Variants in CEP135 observed in about 807,000 individuals in gnomAD.
CEP135 encodes centrosomal protein 135, also known as centrosomal protein of 135 kDa.
In CEP135, 142 loss-of-function variants were observed where a neutral mutation model predicts 157.3. That is an observed-to-expected ratio of 0.90 (90% confidence interval 0.79 to 1.04). CEP135 has a LOEUF of 1.04. Ranked by LOEUF, CEP135 falls within the 50% of genes least tolerant of loss-of-function variation. CEP135 has a pLI of 0.00. For missense variants in CEP135, 1,317 were observed against 1,309.2 expected, an observed-to-expected ratio of 1.01 and a Z score of -0.09; for synonymous variants, 396 against 439.8, an observed-to-expected ratio of 0.90 and a Z score of 1.25.
intron 23 of CEP135, among the ~76,000 whole-genome samples, chr4:56,020,454 G>A (rs1730935694): frequency 6.6e-6 from 1 of 152,152 alleles, no homozygotes; most frequent in Non-Finnish European, 1.5e-5. Flanking sequence ...GTTCAAATTT[G>A]TATCCCTAGC....
chr4:55,952,740 G>C (rs891709644), intron 2 of CEP135, among the ~76,000 whole-genome samples: 3 of 152,158 alleles, frequency 2.0e-5, no homozygotes, highest in African/African-American at 7.2e-5. Context: ...GTATCCTATG[G>C]CTCCTAGGCT....
intron 1 of CEP135, among the ~76,000 whole-genome samples, chr4:55,950,246 T>C (rs1728321444): frequency 6.6e-6 from 1 of 152,192 alleles, no homozygotes; most frequent in African/African-American, 2.4e-5. Context: ...CCCCGTGGTT[T>C]TGGAAGAGTT....
intron 5 of CEP135, among the ~76,000 whole-genome samples, chr4:55,959,378 C>G (rs1366825371): frequency 3.3e-5 from 5 of 152,080 alleles, no homozygotes; most frequent in African/African-American, 1.2e-4. Context: ...TTTTCTAAAC[C>G]TAAGAATTGG....
At chr4:56,030,697 C>T (rs1273192513) in intron 25 of CEP135, among the ~76,000 whole-genome samples, 1 of 152,168 alleles carries the variant, frequency 6.6e-6, no homozygotes, top group African/African-American at 2.4e-5. Flanking sequence ...TCAAGCGATC[C>T]TCCTGCCTCA....
intron 8 of CEP135, 30 bp from the exon 9 acceptor site, chr4:55,969,033 G>A: frequency 6.5e-7 from 1 of 1,540,446 alleles, no homozygotes. Flanking sequence ...AGACTTTTAA[G>A]TATATACCTA....
intron 11 of CEP135, 57 bp from the exon 12 acceptor site, chr4:55,980,086 T>C: frequency 1.1e-5 from 15 of 1,366,442 alleles, no homozygotes; most frequent in Non-Finnish European, 1.5e-5. Flanking sequence ...TCATCATCAG[T>C]ATCCTTGTGA....
At chr4:56,028,102 C>T (rs543823640) in intron 25 of CEP135, among the ~76,000 whole-genome samples, 49 of 152,308 alleles carry the variant, frequency 3.2e-4, no homozygotes, top group African/African-American at 1.2e-3. Context: ...GGATATACCA[C>T]ATTTAAAAAA....
rs976129149 is a variant in CEP135 at position 55,999,372 on chromosome 4, C to T, written c.2080C>T (p.Leu694Phe). 8.1e-5 allele frequency: 131 copies of T among 1,614,004 alleles called. 1 individual carries two copies. Among genetic ancestry groups the T allele is most frequent in the Non-Finnish European group, 1.1e-4 (124 of 1,180,014 alleles). Residue 694 changes from leucine to phenylalanine, a missense_variant, in exon 16 of 26, where the codon CTT (leucine) becomes TTT (phenylalanine). Transcript: ENST00000257287. The stretch of plus-strand genomic sequence containing the variant: ...CCGACTTTCCATAAAAAGAGGTGAA[C>T]TTGAATCAGCCCAAGCACAAATTAA... ...QHRLSIKRGE[L>F]ESAQAQIKIL...
chr4:55,957,124 T>C, intron 4 of CEP135, 99 bp from the exon 5 acceptor site: 1 of 1,255,614 alleles, frequency 8.0e-7, no homozygotes, highest in Non-Finnish European at 1.1e-6. Flanking sequence ...TATTATGAAC[T>C]GCAGACACAC....
chr4:55,953,260 G>T lies in CEP135; in HGVS notation c.289G>T (p.Asp97Tyr). 1.3e-6 allele frequency: 2 copies of T among 1,542,152 alleles called. No homozygotes were observed. The highest frequency in any genetic ancestry group is 2.5e-5 in the South Asian group (2 of 80,214). The change falls in exon 3 of 26, where the codon GAC becomes TAC. Residue 97 changes from aspartate to tyrosine, a missense_variant. Coordinates refer to ENST00000257287, the MANE Select transcript of CEP135 (RefSeq NM_025009.5). Reference sequence around the variant, plus strand: ...GTTAATGAAACTGAGAGAACATTCAGACCAACACGTTAAAGGTAAGTGAAA... The same window carrying T: ...GTTAATGAAACTGAGAGAACATTCATACCAACACGTTAAAGGTAAGTGAAA... Reference protein sequence around the residue: ...LELMKLREHSDQHVKELKTSL... With the variant: ...LELMKLREHSYQHVKELKTSL...
At chr4:55,971,849 G>A (rs1274935111) in intron 10 of CEP135, among the ~76,000 whole-genome samples, 1 of 152,100 alleles carries the variant, frequency 6.6e-6, no homozygotes, top group African/African-American at 2.4e-5. Flanking sequence ...TTGGCATCAG[G>A]AACATATAAG....
intron 21 of CEP135, among the ~76,000 whole-genome samples, chr4:56,016,089 A>G (rs1730765291): frequency 6.6e-6 from 1 of 152,190 alleles, no homozygotes; most frequent in African/African-American, 2.4e-5. Context: ...ATTTAGATAC[A>G]GTACGTACAG....
chr4:55,966,150 G>C (rs1728837574), intron 8 of CEP135: 3 of 282,686 alleles, frequency 1.1e-5, no homozygotes, highest in East Asian at 1.5e-4. Flanking sequence ...CTTTATCTAT[G>C]CATTGTGAGA....
intron 21 of CEP135, among the ~76,000 whole-genome samples, chr4:56,015,480 G>T (rs760911585): frequency 1.3e-5 from 2 of 152,236 alleles, no homozygotes; most frequent in Admixed American, 6.5e-5. Flanking sequence ...CAAGGCCACT[G>T]CCCCTGTGGG....
intron 17 of CEP135, among the ~76,000 whole-genome samples, chr4:56,007,386 T>A (rs1730392415): frequency 6.6e-6 from 1 of 152,340 alleles, no homozygotes; most frequent in East Asian, 1.9e-4. Flanking sequence ...CCAAAGGGGA[T>A]GTCCCAGCAG....
rs372661283 is a variant in CEP135, at chr4:56,019,418, G to A, written c.3078G>A (p.Glu1026=). Residue 1026 remains glutamate (E), a synonymous_variant, in exon 23 of 26, where the codon GAG becomes GAA. Coordinates refer to ENST00000257287, the MANE Select transcript of CEP135 (RefSeq NM_025009.5). ...TACTGAAAAAACAACTTTCAAATGAGAGACATACAGTTAAAAACCTCGAAT... is the reference window on the plus strand; with the variant it reads ...TACTGAAAAAACAACTTTCAAATGAAAGACATACAGTTAAAAACCTCGAAT... The part of the protein sequence containing the change: ...SDLLKKQLSN[E]RHTVKNLESL... The A allele has an allele frequency of 1.9e-6, 3 of 1,613,762 alleles. No individual in the cohort carries two copies. In the African/African-American group the frequency reaches 4.0e-5, roughly 22 times the overall value.
rs80090879 is a variant in CEP135 at position 55,978,320 on chromosome 4, T to C, written c.1474-1823T>C. On this transcript the variant is annotated intron_variant, in intron 11 of 25. Transcript: ENST00000257287. ...CACATTAAATGCACAATCATGTACA[T>C]AACCTTATAACCTCATTTATAATGT... 2.9e-3 allele frequency among the ~76,000 whole-genome samples: 438 copies of C among 152,298 alleles called. 3 individuals are homozygous for C. The highest frequency in any genetic ancestry group is 0.01 in the African/African-American group (422 of 41,558).
At chr4:55,966,997 C>T (rs1279164151) in intron 8 of CEP135, among the ~76,000 whole-genome samples, 2 of 151,664 alleles carry the variant, frequency 1.3e-5, no homozygotes, top group East Asian at 3.9e-4. Context: ...TTGAAATTTC[C>T]ATAGAATTTT....
At chr4:56,020,291 T>C (rs972778009) in intron 23 of CEP135, among the ~76,000 whole-genome samples, 1 of 152,136 alleles carries the variant, frequency 6.6e-6, no homozygotes, top group African/African-American at 2.4e-5. Flanking sequence ...TAGACATATT[T>C]GTAGGAAGAG....
Sources: gnomAD v4.1 joint callset for allele counts (sites outside exome capture counted in the v4.1 genomes callset) on GRCh38, gnomAD v4.1.1 for gene constraint, MANE v1.5 for transcripts, NCBI Gene and HGNC (gene_info 2026-07-23, HGNC 2026-07-21) for gene names.